The following DLG2 variants were observed in gnomAD, a reference collection of about 807,000 sequenced individuals.
DLG2 encodes the protein disks large homolog 2.
DLG2 carries 45 observed loss-of-function variants against 132.5 expected under a neutral mutation model. The ratio of observed to expected loss-of-function variants is 0.34; its 90% CI spans 0.27 to 0.44. The LOEUF is 0.44. DLG2 is among the 20% of genes least tolerant of loss of function. DLG2 has a pLI of 1.00. For synonymous variants in DLG2, 424 were observed against 419.6 expected, an observed-to-expected ratio of 1.01 and a Z score of -0.13; for missense variants, 1,045 against 1,196.9, an observed-to-expected ratio of 0.87 and a Z score of 1.87.
At chr11:83,501,925 G>GT (rs1201647018) in intron 21 of DLG2, among the ~76,000 whole-genome samples, 1 of 152,116 alleles carries the variant, frequency 6.6e-6, no homozygotes, top group African/African-American at 2.4e-5. Context: ...ATTGATGCTA[G>GT]TTTTTCGTTT....
intron 15 of DLG2, among the ~76,000 whole-genome samples, chr11:83,895,971 C>G (rs377245550): frequency 3.9e-5 from 6 of 152,122 alleles, no homozygotes; most frequent in African/African-American, 1.4e-4. Context: ...ATTGAGTTCC[C>G]AAGCAAAAAT....
rs767656482 is a variant in DLG2, at chr11:84,330,973, T to C, written c.520-79682A>G. On this transcript the variant is annotated intron_variant, in intron 7 of 27. Transcript: ENST00000376104. The stretch of plus-strand genomic sequence containing the variant: ...TGCATTTGCCTTCTCTGTTCTTATT[T>C]ACAGATCCTAAGGAAAGGACTGATC... Among the ~76,000 whole-genome samples the C allele has an allele frequency of 9.1e-4, 139 of 152,238 alleles. 2 individuals carry two copies. Among genetic ancestry groups the C allele is most frequent in the Non-Finnish European group, 2.8e-4 (19 of 68,042 alleles).
chr11:85,023,650 CTG>C (rs913481800), intron 6 of DLG2, among the ~76,000 whole-genome samples: 1 of 151,908 alleles, frequency 6.6e-6, no homozygotes, highest in African/African-American at 2.4e-5. Context: ...AATTATAAAA[CTG>C]TGTAATAGAA....
intron 6 of DLG2, among the ~76,000 whole-genome samples, chr11:84,881,783 A>G (rs1381536748): frequency 2.0e-5 from 3 of 152,098 alleles, no homozygotes; most frequent in Admixed American, 2.0e-4. Context: ...GCAGATGGTA[A>G]AGTAATAAAG....
At chr11:84,756,558 G>A (rs1400782794) in intron 6 of DLG2, among the ~76,000 whole-genome samples, 3 of 152,136 alleles carry the variant, frequency 2.0e-5, no homozygotes, top group Admixed American at 6.5e-5. Context: ...GAAAAATACA[G>A]ATAATTCCAC....
intron 3 of DLG2, among the ~76,000 whole-genome samples, chr11:85,557,102 T>C (rs1016993123): frequency 1.3e-5 from 2 of 151,816 alleles, no homozygotes; most frequent in Admixed American, 6.6e-5. Flanking sequence ...AGTTTCAGGA[T>C]ACAAAATCAA....
rs369651884 is a variant in DLG2 at position 84,251,637 on chromosome 11, C to CTTTTTTT, written c.520-347_520-346insAAAAAAA. Among the ~76,000 whole-genome samples, 206 of 129,936 alleles carry CTTTTTTT rather than the reference C, an allele frequency of 1.6e-3. 9 individuals are homozygous for CTTTTTTT. The highest frequency in any genetic ancestry group is 1.8e-3 in the Non-Finnish European group (112 of 62,452). The allele number at this position is 129,936 out of a possible 152,430, so 85.2% of individuals were successfully genotyped here. On this transcript the variant is annotated intron_variant, in intron 7 of 27. Transcript: ENST00000376104. ...GTAAGAGTTAAAACTTGTATCTTTT[C>CTTTTTTT]TTTCTTTTTTTTTTTTTTTTGTGAG...
intron 14 of DLG2, among the ~76,000 whole-genome samples, chr11:83,932,486 T>A (rs2080482583): frequency 6.6e-6 from 1 of 151,924 alleles, no homozygotes; most frequent in South Asian, 2.1e-4. Flanking sequence ...TGCCTGCCTC[T>A]GCCTCCCAAA....
chr11:83,947,077 C>A (rs1349872521), intron 14 of DLG2, among the ~76,000 whole-genome samples: 1 of 152,080 alleles, frequency 6.6e-6, no homozygotes, highest in Non-Finnish European at 1.5e-5. Flanking sequence ...AACTGGAAAG[C>A]GTCATGATAG....
chr11:84,626,343 T>G (rs2099622483), intron 6 of DLG2, among the ~76,000 whole-genome samples: 1 of 152,058 alleles, frequency 6.6e-6, no homozygotes, highest in East Asian at 1.9e-4. Flanking sequence ...CACTCCTAAC[T>G]CTTGAAAGCT....
rs1406403847 is a variant in DLG2, at chr11:84,619,438, CA to C, written c.358-84708del. On this transcript the variant is annotated intron_variant, in intron 6 of 27. Coordinates refer to ENST00000376104, the MANE Select transcript of DLG2 (RefSeq NM_001142699.3). ...AAGTCAATGTTACATCCCTCTGAAA[CA>C]TTTATGTTAAAGCAGGTTAAAGCCC... Among the ~76,000 whole-genome samples, 5 of 151,566 alleles carry C rather than the reference CA, an allele frequency of 3.3e-5. No homozygotes were observed. In the East Asian group the frequency reaches 9.7e-4, roughly 29 times the overall value.
At chr11:84,761,245 C>T (rs931574969) in intron 6 of DLG2, among the ~76,000 whole-genome samples, 2 of 152,132 alleles carry the variant, frequency 1.3e-5, no homozygotes, top group African/African-American at 2.4e-5. Context: ...CATTTTTACC[C>T]GTGATGGTGT....
chr11:83,965,486 A>T lies in DLG2; in HGVS notation c.1057-18T>A. On this transcript the variant is annotated intron_variant, in intron 12 of 27. Coordinates refer to ENST00000376104, the MANE Select transcript of DLG2 (RefSeq NM_001142699.3). Reference sequence around the variant, plus strand: ...TTGTTTACCTGAAAGGGTGAAAAAGATCAATATTAGAGTTAAATCTATGGA... The same window carrying T: ...TTGTTTACCTGAAAGGGTGAAAAAGTTCAATATTAGAGTTAAATCTATGGA... 1 of 1,589,862 alleles carries T rather than the reference A, an allele frequency of 6.3e-7. No individual in the cohort carries two copies.
At chr11:84,707,570 A>G (rs1001236641) in intron 6 of DLG2, among the ~76,000 whole-genome samples, 3 of 151,864 alleles carry the variant, frequency 2.0e-5, no homozygotes, top group Non-Finnish European at 4.4e-5. Flanking sequence ...CCATTATAAG[A>G]GTACAATAGG....
intron 8 of DLG2, among the ~76,000 whole-genome samples, chr11:84,175,296 G>A (rs1254824567): frequency 6.6e-6 from 1 of 152,030 alleles, no homozygotes; most frequent in Non-Finnish European, 1.5e-5. Flanking sequence ...TTGCTCGGAT[G>A]GGGAACTATC....
chr11:84,714,084 C>T (rs1335611644), intron 6 of DLG2, among the ~76,000 whole-genome samples: 2 of 151,920 alleles, frequency 1.3e-5, no homozygotes, highest in Admixed American at 6.6e-5. Context: ...GTTTTTACAT[C>T]TAGTCCTCTG....
intron 6 of DLG2, among the ~76,000 whole-genome samples, chr11:85,103,796 G>A (rs1049749858): frequency 1.3e-5 from 2 of 151,828 alleles, no homozygotes; most frequent in Admixed American, 1.3e-4. Flanking sequence ...CCACAGAACA[G>A]GAGAAAATAT....
intron 16 of DLG2, among the ~76,000 whole-genome samples, chr11:83,860,285 A>G (rs2061237581): frequency 1.3e-5 from 2 of 152,144 alleles, no homozygotes; most frequent in Admixed American, 1.3e-4. Context: ...CAGACACTCA[A>G]TACCAGCCCA....
chr11:83,930,178 T>C (rs2079876995), intron 15 of DLG2, 150 bp downstream of exon 15: 7 of 855,590 alleles, frequency 8.2e-6, no homozygotes, highest in South Asian at 5.5e-5. Context: ...TCTTAATTTC[T>C]CCCATTGCAC....
Sources: gnomAD v4.1 joint callset for allele counts (sites outside exome capture counted in the v4.1 genomes callset) on GRCh38, gnomAD v4.1.1 for gene constraint, MANE v1.5 for transcripts, NCBI Gene and HGNC (gene_info 2026-07-23, HGNC 2026-07-21) for gene names.